CADM2: variants seen among roughly 807,000 people sequenced by gnomAD.
CADM2 encodes the protein cell adhesion molecule 2, also known as immunoglobulin superfamily member 4D.
A neutral mutation model predicts 49.8 loss-of-function variants in CADM2; 12 were observed. That is an observed-to-expected ratio of 0.24 (90% CI 0.15 to 0.39). The LOEUF (loss-of-function observed/expected upper bound fraction) is 0.39, where lower values mean the gene tolerates loss of function less well. Among genes scored for constraint, CADM2 ranks in the 10% least tolerant of loss-of-function variants. The pLI, the probability that CADM2 is intolerant of heterozygous loss-of-function variation, is 1.00. For missense variants in CADM2, 378 were observed against 492.3 expected, an observed-to-expected ratio of 0.77 and a Z score of 2.20; for synonymous variants, 214 against 175.4, an observed-to-expected ratio of 1.22 and a Z score of -1.74.
chr3:85,274,807 C>G (rs2043319508), intron 1 of CADM2, among the ~76,000 whole-genome samples: 1 of 151,368 alleles, frequency 6.6e-6, no homozygotes, highest in Admixed American at 6.6e-5. Context: ...CACAAATAAA[C>G]CACTGAAAGC....
At chr3:85,822,004 T>C (rs1157321581) in intron 3 of CADM2, among the ~76,000 whole-genome samples, 1 of 152,190 alleles carries the variant, frequency 6.6e-6, no homozygotes, top group African/African-American at 2.4e-5. Flanking sequence ...AGAGAAACAG[T>C]AATTTTTCAT....
intron 1 of CADM2, among the ~76,000 whole-genome samples, chr3:84,980,622 T>A (rs1158445944): frequency 1.3e-5 from 2 of 152,164 alleles, no homozygotes; most frequent in African/African-American, 2.4e-5. Context: ...TAACTTCAGG[T>A]TACTGGTACA....
chr3:85,308,469 A>G (rs1286610217), intron 1 of CADM2, among the ~76,000 whole-genome samples: 1 of 151,960 alleles, frequency 6.6e-6, no homozygotes, highest in Non-Finnish European at 1.5e-5. Context: ...GAGAGAGTTA[A>G]GGCACAACTA....
chr3:85,957,121 C>T (rs919920289), intron 7 of CADM2, among the ~76,000 whole-genome samples: 3 of 151,526 alleles, frequency 2.0e-5, no homozygotes, highest in Non-Finnish European at 4.4e-5. Flanking sequence ...TTTTTTGCTG[C>T]TTCAAGAGAT....
intron 1 of CADM2, among the ~76,000 whole-genome samples, chr3:85,496,366 A>T (rs1408760381): frequency 6.6e-6 from 1 of 152,190 alleles, no homozygotes; most frequent in African/African-American, 2.4e-5. Context: ...GCTGCAAAGG[A>T]CATAATTTCA....
At chr3:85,701,089 C>G (rs972684283) in intron 1 of CADM2, among the ~76,000 whole-genome samples, 3 of 152,124 alleles carry the variant, frequency 2.0e-5, no homozygotes, top group Admixed American at 2.0e-4. Flanking sequence ...TCAATGGAGG[C>G]CTCGGGAAAC....
At chr3:85,589,738 A>G (rs911200129) in intron 1 of CADM2, among the ~76,000 whole-genome samples, 1 of 152,072 alleles carries the variant, frequency 6.6e-6, no homozygotes, top group Admixed American at 6.6e-5. Context: ...AATAGATACA[A>G]TTATAATCAT....
At chr3:85,222,149 T>A (rs377341301) in intron 1 of CADM2, among the ~76,000 whole-genome samples, 46 of 152,246 alleles carry the variant, frequency 3.0e-4, no homozygotes, top group African/African-American at 1.1e-3. Context: ...GCTGGTTTGG[T>A]CACTTGTTGG....
rs185782979 is a variant in CADM2 at position 85,775,053 on chromosome 3, T to G, written c.89-26994T>G. Among the ~76,000 whole-genome samples the G allele has an allele frequency of 2.5e-3, 383 of 151,838 alleles. 1 individual carries two copies. The highest frequency in any genetic ancestry group is 8.8e-3 in the African/African-American group (365 of 41,514). On this transcript the variant is annotated intron_variant, in intron 2 of 9. Coordinates refer to ENST00000383699, the MANE Select transcript of CADM2 (RefSeq NM_001167675.2). ...ATAATCATGAAGATAAGCCCTTTAC[T>G]ATAGCACTTTTATCATGTGATTTTC... is the stretch of plus-strand genomic sequence containing the variant.
chr3:85,909,396 A>C (rs1717254011), intron 5 of CADM2, among the ~76,000 whole-genome samples: 1 of 138,766 alleles, frequency 7.2e-6, no homozygotes. Context: ...AAAAATGTAA[A>C]ATGAAATATA....
At chr3:85,570,855 T>C (rs2062454848) in intron 1 of CADM2, among the ~76,000 whole-genome samples, 1 of 152,132 alleles carries the variant, frequency 6.6e-6, no homozygotes, top group Non-Finnish European at 1.5e-5. Flanking sequence ...TATACAAAGA[T>C]TGTGTGTGAG....
intron 1 of CADM2, among the ~76,000 whole-genome samples, chr3:85,679,798 G>A (rs1361110282): frequency 1.3e-5 from 2 of 152,010 alleles, no homozygotes; most frequent in East Asian, 1.9e-4. Flanking sequence ...GCTTTATTTT[G>A]GAATTTGAAT....
intron 1 of CADM2, among the ~76,000 whole-genome samples, chr3:84,967,036 A>C (rs1306895900): frequency 6.6e-6 from 1 of 152,048 alleles, no homozygotes; most frequent in Admixed American, 6.6e-5. Context: ...GTTTCTAAAA[A>C]TTTTATATAT....
At chr3:85,455,428 T>C (rs1034490214) in intron 1 of CADM2, among the ~76,000 whole-genome samples, 4 of 152,228 alleles carry the variant, frequency 2.6e-5, no homozygotes, top group African/African-American at 9.6e-5. Flanking sequence ...ACCCTACTGA[T>C]GTCTTCAAAG....
intron 1 of CADM2, among the ~76,000 whole-genome samples, chr3:85,570,236 T>A (rs1259564497): frequency 2.0e-5 from 3 of 152,166 alleles, no homozygotes; most frequent in Non-Finnish European, 4.4e-5. Flanking sequence ...AATTCATTTT[T>A]CTTGACTTTT....
chr3:85,592,381 A>G (rs2063130783), intron 1 of CADM2, among the ~76,000 whole-genome samples: 2 of 151,208 alleles, frequency 1.3e-5, no homozygotes, highest in Non-Finnish European at 2.9e-5. Flanking sequence ...TGACCCATTT[A>G]ATGGTCATCT....
chr3:85,789,744 TA>T (rs2071215963), intron 2 of CADM2, among the ~76,000 whole-genome samples: 1 of 152,210 alleles, frequency 6.6e-6, no homozygotes. Context: ...AAATATATTT[TA>T]AAGTCTTCAT....
In CADM2 at chr3:85,476,123, T is replaced by C. The variant is rs1253567880; in HGVS notation, c.62-250399T>C. On this transcript the variant is annotated intron_variant, in intron 1 of 9. Coordinates refer to ENST00000383699, the MANE Select transcript of CADM2 (RefSeq NM_001167675.2). ...ACCAGTCTATTGAGATGTCTGTTTT[T>C]ACCAAAAAGGGATTTGCCTCAAGAG... 3.9e-5 allele frequency among the ~76,000 whole-genome samples: 6 copies of C among 152,002 alleles called. No individual in the cohort carries two copies. In the East Asian group the frequency reaches 1.2e-3, roughly 29 times the overall value.
At chr3:84,972,061 C>G (rs1417022565) in intron 1 of CADM2, among the ~76,000 whole-genome samples, 1 of 152,084 alleles carries the variant, frequency 6.6e-6, no homozygotes, top group Non-Finnish European at 1.5e-5. Context: ...TTTGGAAGTG[C>G]CTTACAGCAG....
Sources: gnomAD v4.1 joint callset for allele counts (sites outside exome capture counted in the v4.1 genomes callset) on GRCh38, gnomAD v4.1.1 for gene constraint, MANE v1.5 for transcripts, NCBI Gene and HGNC (gene_info 2026-07-23, HGNC 2026-07-21) for gene names.